Variants in ISM2 observed in about 807,000 individuals in gnomAD.
The protein encoded by ISM2 is isthmin-2.
A neutral mutation model predicts 58.0 loss-of-function variants in ISM2; 50 were observed. The ratio of observed to expected loss-of-function variants is 0.86; its 90% CI spans 0.69 to 1.09. The LOEUF is 1.09. Among genes scored for constraint, ISM2 ranks in the 50% least tolerant of loss-of-function variants. ISM2 has a pLI of 0.00. For missense variants in ISM2, 723 were observed against 745.0 expected, an observed-to-expected ratio of 0.97 and a Z score of 0.34; for synonymous variants, 303 against 312.4, an observed-to-expected ratio of 0.97 and a Z score of 0.32.
chr14:77,496,652 C>T (rs938283031), intron 1 of ISM2, among the ~76,000 whole-genome samples: 4 of 151,282 alleles, frequency 2.6e-5, no homozygotes, highest in African/African-American at 7.3e-5. Context: ...CAAAAATTAG[C>T]CGGGCGTGGT....
intron 1 of ISM2, among the ~76,000 whole-genome samples, chr14:77,496,710 T>C (rs1320845825): frequency 1.4e-5 from 2 of 142,932 alleles, no homozygotes; most frequent in African/African-American, 2.6e-5. Flanking sequence ...GGCAGGAGAA[T>C]TGCTTGAACC....
At chr14:77,492,327 C>T (rs976842378) in intron 1 of ISM2, among the ~76,000 whole-genome samples, 10 of 152,128 alleles carry the variant, frequency 6.6e-5, no homozygotes, top group Non-Finnish European at 1.2e-4. Context: ...GATCCTGGCT[C>T]ACCACATACT....
intron 4 of ISM2, 22 bp downstream of exon 4, chr14:77,482,300 A>G: frequency 6.3e-7 from 1 of 1,579,018 alleles, no homozygotes; most frequent in East Asian, 2.2e-5. Context: ...CAGCCTGGGG[A>G]TGCCAAGATG....
intron 3 of ISM2, chr14:77,483,855 C>G (rs1360118464): frequency 6.5e-6 from 1 of 153,188 alleles, no homozygotes; most frequent in Non-Finnish European, 1.5e-5. Context: ...AACTAGAATT[C>G]TGCCAGCTGC....
At chr14:77,483,176 G>T (rs746286715) in intron 3 of ISM2, among the ~76,000 whole-genome samples, 1 of 152,100 alleles carries the variant, frequency 6.6e-6, no homozygotes, top group Non-Finnish European at 1.5e-5. Context: ...ACTGAACTTC[G>T]GAAACATTAG....
intron 1 of ISM2, among the ~76,000 whole-genome samples, chr14:77,492,151 C>A (rs372863683): frequency 6.6e-6 from 1 of 152,150 alleles, no homozygotes; most frequent in African/African-American, 2.4e-5. Context: ...CATGAGCCAC[C>A]ACACCCAGCC....
At chr14:77,496,665 C>T (rs1344203347) in intron 1 of ISM2, among the ~76,000 whole-genome samples, 2 of 151,498 alleles carry the variant, frequency 1.3e-5, no homozygotes, top group African/African-American at 4.9e-5. Context: ...GGCGTGGTGG[C>T]GTGAGCCTGT....
Position 77,495,524 on chromosome 14 carries a change from C to A in ISM2, c.141+3129G>T, listed in dbSNP as rs543122903. Among the ~76,000 whole-genome samples the A allele has an allele frequency of 8.5e-5, 13 of 152,340 alleles. No individual in the cohort carries two copies. The South Asian group carries it at 2.7e-3, about 32-fold the overall frequency. Reference sequence around the variant, plus strand: ...GCCAATTTAGTTAATTTTATTATCACTGTCATCTCCATGTAGGAGGAGGGA... The same window carrying A: ...GCCAATTTAGTTAATTTTATTATCAATGTCATCTCCATGTAGGAGGAGGGA... On this transcript the variant is annotated intron_variant, in intron 1 of 6. Transcript: ENST00000342219.
intron 1 of ISM2, among the ~76,000 whole-genome samples, chr14:77,487,573 G>A (rs1198709162): frequency 6.6e-6 from 1 of 152,208 alleles, no homozygotes; most frequent in Non-Finnish European, 1.5e-5. Flanking sequence ...ACAGCCACAC[G>A]TGCCGCCTTT....
At chr14:77,488,408 G>A (rs967346803) in intron 1 of ISM2, among the ~76,000 whole-genome samples, 5 of 152,156 alleles carry the variant, frequency 3.3e-5, no homozygotes, top group African/African-American at 4.8e-5. Flanking sequence ...CACTATGCAC[G>A]TGTGGACAGA....
intron 1 of ISM2, 150 bp downstream of exon 1, chr14:77,498,503 C>T (rs2079262401): frequency 7.9e-7 from 1 of 1,260,734 alleles, no homozygotes. Context: ...GCCCGGTGTC[C>T]GGGAGCTTCC....
chr14:77,498,316 C>T, intron 1 of ISM2: 1 of 1,372,822 alleles, frequency 7.3e-7, no homozygotes. Flanking sequence ...CTAGCGCGCA[C>T]CTGGAAAGGG....
intron 6 of ISM2, among the ~76,000 whole-genome samples, chr14:77,477,895 C>T (rs2079107679): frequency 6.6e-6 from 1 of 152,182 alleles, no homozygotes; most frequent in Non-Finnish European, 1.5e-5. Flanking sequence ...ATCCCCCTCT[C>T]CAGACAGAGC....
At chr14:77,489,218 A>G (rs1221874320) in intron 1 of ISM2, among the ~76,000 whole-genome samples, 1 of 152,132 alleles carries the variant, frequency 6.6e-6, no homozygotes, top group African/African-American at 2.4e-5. Context: ...TTTGTGCCTC[A>G]GGGGTCAGAA....
At chr14:77,483,387 G>A (rs913787562) in intron 3 of ISM2, among the ~76,000 whole-genome samples, 4 of 151,888 alleles carry the variant, frequency 2.6e-5, no homozygotes, top group East Asian at 1.9e-4. Flanking sequence ...GTGAAACCCC[G>A]TCTCTACTAA....
At chr14:77,498,086 C>T (rs377695231) in intron 1 of ISM2, 54 of 346,670 alleles carry the variant, frequency 1.6e-4, no homozygotes, top group South Asian at 9.8e-4. Flanking sequence ...GCCAACACCA[C>T]TCTTCCATCT....
chr14:77,478,707 G>T lies in ISM2; in HGVS notation c.982C>A (p.Pro328Thr). 1 of 1,612,182 alleles carries T rather than the reference G, an allele frequency of 6.2e-7. No individual in the cohort carries two copies. The highest frequency in any genetic ancestry group is 8.5e-7 in the Non-Finnish European group (1 of 1,178,436). Residue 328 changes from proline (P) to threonine (T), a missense_variant, in exon 5 of 7, where the codon CCT becomes ACT. Coordinates refer to ENST00000342219, the MANE Select transcript of ISM2 (RefSeq NM_199296.3). ...FKDSVSYDYEPQKEWSPWSPC... is the reference protein window; with the variant it reads ...FKDSVSYDYETQKEWSPWSPC... Reference sequence around the variant, plus strand: ...GACCAGGGACTCCACTCCTTCTGAGGCTCATAGTCTGGGTTAAGACAGGGA... The same window carrying T: ...GACCAGGGACTCCACTCCTTCTGAGTCTCATAGTCTGGGTTAAGACAGGGA...
intron 1 of ISM2, among the ~76,000 whole-genome samples, chr14:77,493,015 A>G (rs1470003407): frequency 1.3e-5 from 2 of 151,978 alleles, no homozygotes; most frequent in African/African-American, 4.8e-5. Flanking sequence ...AAAAAAAAAG[A>G]CAGGGTCTCA....
intron 1 of ISM2, among the ~76,000 whole-genome samples, chr14:77,488,826 C>T (rs937609345): frequency 6.6e-5 from 10 of 152,174 alleles, no homozygotes; most frequent in Non-Finnish European, 1.3e-4. Context: ...CAAAATCACT[C>T]GGCAGGTGTA....
Sources: gnomAD v4.1 joint callset for allele counts (sites outside exome capture counted in the v4.1 genomes callset) on GRCh38, gnomAD v4.1.1 for gene constraint, MANE v1.5 for transcripts, NCBI Gene and HGNC (gene_info 2026-07-23, HGNC 2026-07-21) for gene names.